The following GRHL2 variants were observed in gnomAD, a reference collection of about 807,000 sequenced individuals.
The protein encoded by GRHL2 is grainyhead like transcription factor 2.
GRHL2 carries 21 observed loss-of-function variants against 83.8 expected under a neutral mutation model. That is an observed-to-expected ratio of 0.25 (90% CI 0.18 to 0.36). The LOEUF (loss-of-function observed/expected upper bound fraction) is 0.36. Among genes scored for constraint, GRHL2 ranks in the 10% least tolerant of loss-of-function variants. The pLI is 1.00. For synonymous variants in GRHL2, 280 were observed against 278.9 expected (o/e 1.00, Z -0.04); for missense variants, 623 against 781.8 (o/e 0.80, Z 2.42).
chr8:101,497,000 CT>C (rs1008508750), intron 1 of GRHL2, among the ~76,000 whole-genome samples: 2 of 152,152 alleles, frequency 1.3e-5, no homozygotes, highest in African/African-American at 4.8e-5. Context: ...CAAAATTATT[CT>C]TGTAAGTGGT....
chr8:101,540,123 T>C (rs1158014057), intron 1 of GRHL2, among the ~76,000 whole-genome samples: 1 of 152,238 alleles, frequency 6.6e-6, no homozygotes, highest in East Asian at 1.9e-4. Context: ...CAAAAATTGA[T>C]ATATCCACAA....
At chr8:101,675,595 G>T in the GRHL2 span, among the ~76,000 whole-genome samples, 1 of 152,078 alleles carries the variant, frequency 6.6e-6, no homozygotes, top group Non-Finnish European at 1.5e-5. Context: ...CCATGCTCAT[G>T]GGTAGGAAGA....
intron 1 of GRHL2, among the ~76,000 whole-genome samples, chr8:101,517,872 A>G (rs1168019259): frequency 1.3e-5 from 2 of 152,182 alleles, no homozygotes; most frequent in Non-Finnish European, 2.9e-5. Flanking sequence ...ATATGAGTGA[A>G]CCTGGGAGAG....
At chr8:101,586,064 T>C (rs1390375119) in intron 7 of GRHL2, among the ~76,000 whole-genome samples, 1 of 50,606 alleles carries the variant, frequency 2.0e-5, no homozygotes, top group Non-Finnish European at 4.9e-5. Flanking sequence ...ACCTCATGTT[T>C]CTTTTTTTTT....
chr8:101,634,964 G>A (rs911707587), intron 11 of GRHL2, among the ~76,000 whole-genome samples: 9 of 152,116 alleles, frequency 5.9e-5, no homozygotes, highest in South Asian at 2.1e-4. Context: ...CGCCTTTAAA[G>A]GTCATGAGAT....
At chr8:101,507,559 A>T (rs1810365356) in intron 1 of GRHL2, among the ~76,000 whole-genome samples, 1 of 152,178 alleles carries the variant, frequency 6.6e-6, no homozygotes, top group African/African-American at 2.4e-5. Context: ...TACACTATGT[A>T]TGAAAAGATA....
intron 7 of GRHL2, among the ~76,000 whole-genome samples, chr8:101,579,578 G>T (rs1419203714): frequency 6.6e-6 from 1 of 152,116 alleles, no homozygotes; most frequent in Non-Finnish European, 1.5e-5. Flanking sequence ...AATGAGACAT[G>T]AATTTTCTGA....
chr8:101,539,852 C>T (rs568908379), intron 1 of GRHL2, among the ~76,000 whole-genome samples: 3 of 152,142 alleles, frequency 2.0e-5, no homozygotes, highest in South Asian at 4.2e-4. Flanking sequence ...TAGGTTAGTC[C>T]CCTCTGTCGT....
intron 1 of GRHL2, among the ~76,000 whole-genome samples, chr8:101,525,166 C>T (rs954395673): frequency 6.6e-6 from 1 of 152,198 alleles, no homozygotes; most frequent in African/African-American, 2.4e-5. Flanking sequence ...TGGTCTCGAA[C>T]TCCTGACCTC....
intron 1 of GRHL2, among the ~76,000 whole-genome samples, chr8:101,532,839 G>C (rs1043020108): frequency 6.6e-6 from 1 of 151,994 alleles, no homozygotes; most frequent in Non-Finnish European, 1.5e-5. Context: ...GAGAGATAGA[G>C]AGAGAAAGAG....
intron 1 of GRHL2, among the ~76,000 whole-genome samples, chr8:101,497,939 C>G (rs1586392564): frequency 6.6e-6 from 1 of 152,116 alleles, no homozygotes; most frequent in African/African-American, 2.4e-5. Flanking sequence ...TGAACTGCTG[C>G]TTCTGGAAGA....
In GRHL2 at chr8:101,492,498, C is replaced by G; in HGVS notation, c.-272C>G. The G allele has an allele frequency of 1.7e-6, 1 of 579,474 alleles. No individual in the cohort carries two copies. 35.9% of individuals were successfully genotyped at this position (579,474 alleles called of 1,614,324 possible). On this transcript the variant is annotated 5_prime_UTR_variant, in exon 1 of 16. Coordinates refer to ENST00000646743, the MANE Select transcript of GRHL2 (RefSeq NM_024915.4). ...TTTCTGCTCTGTGTCTGCCCATTGC[C>G]ACGATCCAGGAGGACTCCGCGCCGC...
chr8:101,578,659 A>T (rs578190957), intron 7 of GRHL2, among the ~76,000 whole-genome samples: 16 of 152,318 alleles, frequency 1.1e-4, no homozygotes, highest in African/African-American at 2.9e-4. Context: ...GCTGACTAAG[A>T]TGCTTCAGTC....
At chr8:101,520,529 C>T (rs920856901) in intron 1 of GRHL2, among the ~76,000 whole-genome samples, 3 of 152,014 alleles carry the variant, frequency 2.0e-5, no homozygotes, top group African/African-American at 7.2e-5. Context: ...TCTGTTCAAT[C>T]CCACGCAGCA....
At position 101,577,421 on chromosome 8, in the gene GRHL2, T is replaced by C; in HGVS notation, c.905T>C (p.Val302Ala). 1 of 1,612,144 alleles carries C rather than the reference T, an allele frequency of 6.2e-7. No individual in the cohort carries two copies. The change falls in exon 7 of 16, where the codon GTG (valine) becomes GCG (alanine). Residue 302 changes from valine (V) to alanine (A), a missense_variant. By Grantham distance (64) the Val-to-Ala change is moderately conservative (BLOSUM62 0). This residue lies in a region of GRHL2 where 96 missense variants were observed against 144.8 expected (regional missense o/e 0.66). Coordinates refer to ENST00000646743, the MANE Select transcript of GRHL2 (RefSeq NM_024915.4). Reference sequence around the variant, plus strand: ...TCCCCTCTGCAGAGTGTGGTGATGGTGGTCTTCAGTGAAGACAAAAACAGA... The same window carrying C: ...TCCCCTCTGCAGAGTGTGGTGATGGCGGTCTTCAGTGAAGACAAAAACAGA... The part of the protein sequence containing the change: ...PISKVRSVVM[V>A]VFSEDKNRDE...
chr8:101,673,363 C>G (rs1399606022), downstream of GRHL2, among the ~76,000 whole-genome samples: 1 of 151,910 alleles, frequency 6.6e-6, no homozygotes, highest in African/African-American at 2.4e-5. Flanking sequence ...GAAGATCTAC[C>G]AAGCAATTGG....
intron 1 of GRHL2, among the ~76,000 whole-genome samples, chr8:101,499,145 A>G (rs774614301): frequency 7.9e-5 from 12 of 152,186 alleles, no homozygotes; most frequent in Non-Finnish European, 1.5e-4. Context: ...ACAGTACCCA[A>G]TCACCTGAAG....
intron 1 of GRHL2, among the ~76,000 whole-genome samples, chr8:101,523,848 G>A (rs1055071971): frequency 1.1e-4 from 17 of 151,924 alleles, no homozygotes; most frequent in African/African-American, 4.1e-4. Flanking sequence ...GACAAATCAC[G>A]CACCATCCCA....
chr8:101,521,065 AACC>A (rs1810672242), intron 1 of GRHL2, among the ~76,000 whole-genome samples: 1 of 152,188 alleles, frequency 6.6e-6, no homozygotes, highest in Non-Finnish European at 1.5e-5. Flanking sequence ...GTATTAGGGG[AACC>A]ACCTGTGAGA....
Sources: gnomAD v4.1 joint callset for allele counts (sites outside exome capture counted in the v4.1 genomes callset) on GRCh38, gnomAD v4.1.1 for gene constraint, gnomAD v4.1.1 regional missense constraint, MANE v1.5 for transcripts, NCBI Gene and HGNC (gene_info 2026-07-23, HGNC 2026-07-21) for gene names.